Variants in TXNDC9 observed in about 807,000 individuals in gnomAD.
TXNDC9 encodes the protein thioredoxin domain containing 9, also known as thioredoxin domain-containing protein 9.
A neutral mutation model predicts 23.0 loss-of-function variants in TXNDC9; 7 were observed. The observed-to-expected ratio is 0.30, with a 90% confidence interval of 0.17 to 0.57. The LOEUF is 0.57. Ranked by LOEUF, TXNDC9 falls within the 20% of genes least tolerant of loss-of-function variation. The probability of loss-of-function intolerance (pLI) is 0.90; values close to 1 mark genes in which losing one functional copy is unlikely to be tolerated. For missense variants in TXNDC9, 198 were observed against 252.6 expected (o/e 0.78, Z 1.47); for synonymous variants, 72 against 90.6 (o/e 0.79, Z 1.17).
intron 2 of TXNDC9, among the ~76,000 whole-genome samples, chr2:99,330,635 A>C (rs1343836810): frequency 1.3e-5 from 2 of 152,122 alleles, no homozygotes; most frequent in African/African-American, 2.4e-5. Flanking sequence ...TTATCCCTCT[A>C]TTCTGCTCCC....
chr2:99,309,322 C>T, the TXNDC9 span, among the ~76,000 whole-genome samples: 14 of 151,504 alleles, frequency 9.2e-5, no homozygotes, highest in African/African-American at 3.4e-4. Context: ...TGGAGTGAAC[C>T]GAGATCATGT....
the TXNDC9 span, among the ~76,000 whole-genome samples, chr2:99,313,192 C>T: frequency 4.6e-5 from 7 of 151,662 alleles, no homozygotes; most frequent in Admixed American, 2.0e-4. Flanking sequence ...ACAACAACAA[C>T]AATAAAACAA....
rs1358751836 is a variant in TXNDC9 at position 99,319,581 on chromosome 2, G to A, written c.*101C>T. On this transcript the variant is annotated 3_prime_UTR_variant, in exon 5 of 5. Transcript: ENST00000264255. ...ACAACTGTATAAAACTCGAGAATAT[G>A]AGTATTTAGGTGACCAATGTATAGA... 3 of 820,722 alleles carry A rather than the reference G, an allele frequency of 3.7e-6. No homozygotes were observed. The highest frequency in any genetic ancestry group is 5.9e-6 in the Non-Finnish European group (3 of 504,416). The allele number at this position is 820,722 out of a possible 1,614,324, so 50.8% of individuals were successfully genotyped here.
At chr2:99,336,080 A>C (rs1314186181) in intron 1 of TXNDC9, among the ~76,000 whole-genome samples, 159 bp downstream of exon 1, 1 of 152,254 alleles carries the variant, frequency 6.6e-6, no homozygotes, top group African/African-American at 2.4e-5. Flanking sequence ...GGTGGCCCCA[A>C]CTTCGACGCC....
At chr2:99,316,461 A>C (rs942276442), downstream of TXNDC9, among the ~76,000 whole-genome samples, 3 of 152,106 alleles carry the variant, frequency 2.0e-5, no homozygotes, top group African/African-American at 7.2e-5. Context: ...GAGCCACAGC[A>C]TTGGGCCAAT....
chr2:99,327,471 A>G lies in TXNDC9; in HGVS notation c.308+64T>C, dbSNP rs551648275. 22 of 1,175,052 alleles carry G rather than the reference A, an allele frequency of 1.9e-5. No individual in the cohort carries two copies. The East Asian group carries it at 2.6e-4, about 14-fold the overall frequency. 72.8% of individuals were successfully genotyped at this position (1,175,052 alleles called of 1,614,324 possible). A position where few individuals can be genotyped will look rare whatever the true frequency, so the allele number is the denominator to read the frequency against. Reference sequence around the variant, plus strand: ...TTCTTCATTTCTCTAGTAAGCCAGTATATCTCCAGCCAAACAATTCACTGT... The same window carrying G: ...TTCTTCATTTCTCTAGTAAGCCAGTGTATCTCCAGCCAAACAATTCACTGT... On this transcript the variant is annotated intron_variant, in intron 3 of 4. Coordinates refer to ENST00000264255, the MANE Select transcript of TXNDC9 (RefSeq NM_005783.4).
At position 99,327,614 on chromosome 2, in the gene TXNDC9, G is replaced by A; in HGVS notation, c.229C>T (p.Pro77Ser). The A allele has an allele frequency of 6.2e-7, 1 of 1,613,366 alleles. No individual in the cohort carries two copies. The highest frequency in any genetic ancestry group is 8.5e-7 in the Non-Finnish European group (1 of 1,179,758). Residue 77 changes from proline (P) to serine (S), a missense_variant, in exon 3 of 5, where the codon CCT becomes TCT. Coordinates refer to ENST00000264255, the MANE Select transcript of TXNDC9 (RefSeq NM_005783.4). Reference protein sequence around the residue: ...SKGHGEYREIPSERDFFQEVK... With the variant: ...SKGHGEYREISSERDFFQEVK... Reference sequence around the variant, plus strand: ...TCTTGAAAAAAGTCTCTTTCACTAGGGATTTCTCTGTATTCCCCATGTCCT... The same window carrying A: ...TCTTGAAAAAAGTCTCTTTCACTAGAGATTTCTCTGTATTCCCCATGTCCT...
chr2:99,317,386 G>A (rs2094191707), downstream of TXNDC9, among the ~76,000 whole-genome samples: 1 of 152,008 alleles, frequency 6.6e-6, no homozygotes, highest in Non-Finnish European at 1.5e-5. Context: ...ATTTCTTCTT[G>A]TTTAGTTTCT....
At chr2:99,327,425 A>C in intron 3 of TXNDC9, 110 bp downstream of exon 3, 2 of 779,158 alleles carry the variant, frequency 2.6e-6, no homozygotes, top group South Asian at 1.7e-5. Context: ...GAAACAACTT[A>C]GGAAGTTTTT....
intron 3 of TXNDC9, among the ~76,000 whole-genome samples, chr2:99,324,666 T>C (rs1312618596): frequency 2.6e-5 from 4 of 151,340 alleles, no homozygotes; most frequent in Non-Finnish European, 5.9e-5. Flanking sequence ...CTCCACCTCC[T>C]GGGTTCAAGC....
At chr2:99,330,749 A>T (rs538616511) in intron 2 of TXNDC9, among the ~76,000 whole-genome samples, 1 of 152,366 alleles carries the variant, frequency 6.6e-6, no homozygotes, top group South Asian at 2.1e-4. Context: ...GTCAATGCAT[A>T]CAATGATCTC....
chr2:99,334,764 G>C (rs1400134566), intron 1 of TXNDC9, among the ~76,000 whole-genome samples: 2 of 152,132 alleles, frequency 1.3e-5, no homozygotes, highest in Non-Finnish European at 2.9e-5. Flanking sequence ...CCAGGCTGGA[G>C]TGCAGTGGCG....
At chr2:99,333,949 T>G (rs2094232065) in intron 1 of TXNDC9, among the ~76,000 whole-genome samples, 1 of 152,174 alleles carries the variant, frequency 6.6e-6, no homozygotes, top group Non-Finnish European at 1.5e-5. Flanking sequence ...AAATTTTGGG[T>G]TTTTTTCCAA....
intron 2 of TXNDC9, among the ~76,000 whole-genome samples, chr2:99,328,180 A>G (rs2094217194): frequency 6.6e-6 from 1 of 151,614 alleles, no homozygotes; most frequent in Non-Finnish European, 1.5e-5. Flanking sequence ...CTGCAGCCTC[A>G]AACCTCCTGG....
chr2:99,311,490 G>T, the TXNDC9 span, among the ~76,000 whole-genome samples: 4 of 152,112 alleles, frequency 2.6e-5, no homozygotes, highest in African/African-American at 7.2e-5. Context: ...GGGGGAGGGG[G>T]TCTCACTATG....
intron 2 of TXNDC9, among the ~76,000 whole-genome samples, chr2:99,328,523 G>T (rs1238328058): frequency 6.6e-6 from 1 of 152,156 alleles, no homozygotes; most frequent in Non-Finnish European, 1.5e-5. Flanking sequence ...ACAATTACCT[G>T]TCTTTGTAGC....
chr2:99,307,267 G>T, the TXNDC9 span, among the ~76,000 whole-genome samples: 1 of 151,788 alleles, frequency 6.6e-6, no homozygotes, highest in East Asian at 1.9e-4. Flanking sequence ...GAAACAAATT[G>T]GTTAATGTTT....
At chr2:99,322,317 C>A in intron 3 of TXNDC9, 108 bp from the exon 4 acceptor site, 1 of 1,421,782 alleles carries the variant, frequency 7.0e-7, no homozygotes, top group Admixed American at 2.6e-5. Context: ...TGTTGACTCT[C>A]ATAACATGGC....
chr2:99,321,530 T>C (rs1312575751), intron 4 of TXNDC9: 1 of 153,886 alleles, frequency 6.5e-6, no homozygotes, highest in Non-Finnish European at 1.4e-5. Flanking sequence ...TTTTAAAATA[T>C]AACTTTCTTT....
Sources: allele counts gnomAD v4.1 joint callset (sites outside exome capture counted in the v4.1 genomes callset), GRCh38; gene constraint gnomAD v4.1.1; transcripts MANE v1.5; gene names NCBI Gene and HGNC (gene_info 2026-07-23, HGNC 2026-07-21).